The following GNG2 variants were observed in gnomAD, a reference collection of about 807,000 sequenced individuals.
The protein encoded by GNG2 is guanine nucleotide-binding protein G(I)/G(S)/G(O) subunit gamma-2.
GNG2 carries 5 observed loss-of-function variants against 5.5 expected under a neutral mutation model. The ratio of observed to expected loss-of-function variants is 0.91; its 90% CI spans 0.48 to 1.92. GNG2 has a LOEUF of 1.92. Ranked by LOEUF, GNG2 falls within the 30% of genes most tolerant of loss-of-function variation. GNG2 has a pLI of 0.01. For missense variants in GNG2, 55 were observed against 88.4 expected (o/e 0.62, Z 1.52); for synonymous variants, 28 against 32.0 (o/e 0.88, Z 0.42).
chr14:51,963,360 G>A lies in GNG2; in HGVS notation c.88-3199G>A, dbSNP rs147478053. The stretch of plus-strand genomic sequence containing the variant: ...ATAGTTGTATGTGAGTGTTGCAAAC[G>A]GGTAGGGATGAACGGTGCTGCTTCT... On this transcript the variant is annotated intron_variant, in intron 3 of 3. Transcript: ENST00000556766. 2.8e-4 allele frequency among the ~76,000 whole-genome samples: 43 copies of A among 152,240 alleles called. No homozygotes were observed. The East Asian group carries it at 7.3e-3, about 26-fold the overall frequency.
chr14:51,950,683 C>T lies in GNG2; in HGVS notation c.5C>T (p.Ala2Val), dbSNP rs1888920721. The change falls in exon 3 of 4, where the codon GCC becomes GTC. Residue 2 changes from alanine to valine, a missense_variant. Ala to Val is a moderately conservative substitution (Grantham distance 64). Transcript: ENST00000556766. M[A>V]SNNTASIAQA... ...AAAGATCTATCCAGCACTCCGATGG[C>T]CAGCAACAACACCGCCAGCATAGCA... 1 of 1,610,136 alleles carries T rather than the reference C, an allele frequency of 6.2e-7. No homozygotes were observed. The highest frequency in any genetic ancestry group is 8.5e-7 in the Non-Finnish European group (1 of 1,177,890).
intron 2 of GNG2, among the ~76,000 whole-genome samples, chr14:51,927,007 A>T (rs766931147): frequency 3.9e-5 from 6 of 152,202 alleles, no homozygotes; most frequent in Non-Finnish European, 8.8e-5. Flanking sequence ...AATTTCTATT[A>T]CTTATCCGAA....
intron 2 of GNG2, among the ~76,000 whole-genome samples, chr14:51,892,738 A>G (rs1181726079): frequency 6.6e-6 from 1 of 152,206 alleles, no homozygotes; most frequent in East Asian, 1.9e-4. Context: ...ACCAATGTTA[A>G]TGCTTTGGGG....
At chr14:51,880,980 A>AAG (rs1249223162) in intron 2 of GNG2, among the ~76,000 whole-genome samples, 3 of 151,048 alleles carry the variant, frequency 2.0e-5, no homozygotes, top group Non-Finnish European at 4.4e-5. Flanking sequence ...AAAAAAAAAA[A>AAG]AAAAAAAACC....
chr14:51,883,838 C>T (rs1195960032), intron 2 of GNG2, among the ~76,000 whole-genome samples: 1 of 151,872 alleles, frequency 6.6e-6, no homozygotes, highest in African/African-American at 2.4e-5. Context: ...AACTAGCATA[C>T]ACTATATACT....
At chr14:51,933,830 G>A (rs755473765) in intron 2 of GNG2, among the ~76,000 whole-genome samples, 8 of 152,158 alleles carry the variant, frequency 5.3e-5, no homozygotes, top group South Asian at 2.1e-4. Flanking sequence ...AAGAAGCAGC[G>A]AGCTCACCAG....
intron 2 of GNG2, among the ~76,000 whole-genome samples, chr14:51,892,000 A>G (rs1405152358): frequency 3.3e-5 from 5 of 152,240 alleles, no homozygotes; most frequent in Admixed American, 1.3e-4. Flanking sequence ...TAGGTTGACC[A>G]TTAGTGGTTA....
chr14:51,954,673 G>T (rs1212231599), intron 3 of GNG2, among the ~76,000 whole-genome samples: 1 of 152,160 alleles, frequency 6.6e-6, no homozygotes, highest in African/African-American at 2.4e-5. Flanking sequence ...AACTGCGAGT[G>T]CTCCGTCACC....
At chr14:51,908,846 G>A (rs1050187428) in intron 2 of GNG2, among the ~76,000 whole-genome samples, 15 of 148,130 alleles carry the variant, frequency 1.0e-4, no homozygotes, top group East Asian at 4.1e-4. Context: ...CCAAAGTGCT[G>A]GGATTTTAAG....
intron 2 of GNG2, among the ~76,000 whole-genome samples, chr14:51,847,747 T>A (rs910767498): frequency 6.6e-6 from 1 of 151,830 alleles, no homozygotes; most frequent in Non-Finnish European, 1.5e-5. Flanking sequence ...CTTTGGAGAG[T>A]CAAATTACCA....
intron 2 of GNG2, among the ~76,000 whole-genome samples, chr14:51,928,157 A>G (rs1269599016): frequency 3.3e-5 from 5 of 151,336 alleles, no homozygotes; most frequent in Admixed American, 3.3e-4. Context: ...CAGCCTCTCA[A>G]TAGCTGGGAT....
intron 2 of GNG2, among the ~76,000 whole-genome samples, chr14:51,895,791 T>C (rs973474267): frequency 2.6e-5 from 4 of 152,200 alleles, no homozygotes; most frequent in Admixed American, 6.5e-5. Flanking sequence ...TGGGAGATGA[T>C]TGAATTATGG....
At chr14:51,950,565 T>G in intron 2 of GNG2, 85 bp from the exon 3 acceptor site, 1 of 819,514 alleles carries the variant, frequency 1.2e-6, no homozygotes, top group Non-Finnish European at 2.0e-6. Context: ...AGCCACTGCT[T>G]TGAGATCCCC....
At chr14:51,856,211 G>A (rs73291065), upstream of GNG2, among the ~76,000 whole-genome samples, 1,490 of 152,042 alleles carry the variant, frequency 9.8e-3, 28 homozygotes, top group African/African-American at 0.035. Context: ...AGAACTAGCT[G>A]GGCATGGCGG....
chr14:51,900,400 C>T (rs1436866210), intron 2 of GNG2, among the ~76,000 whole-genome samples: 1 of 151,762 alleles, frequency 6.6e-6, no homozygotes, highest in Non-Finnish European at 1.5e-5. Context: ...CAGGAATACA[C>T]GAGACTGAAT....
intron 2 of GNG2, among the ~76,000 whole-genome samples, chr14:51,898,375 T>C (rs547703748): frequency 6.6e-6 from 1 of 152,270 alleles, no homozygotes; most frequent in South Asian, 2.1e-4. Flanking sequence ...TGATGAGCAT[T>C]GGGATGGATG....
chr14:51,924,050 A>G (rs1311008770), intron 2 of GNG2, among the ~76,000 whole-genome samples: 1 of 152,248 alleles, frequency 6.6e-6, no homozygotes, highest in African/African-American at 2.4e-5. Context: ...ATATTTATTG[A>G]TAGGCTTAAG....
intron 1 of GNG2, among the ~76,000 whole-genome samples, chr14:51,827,323 A>G (rs893661615): frequency 6.6e-6 from 1 of 152,220 alleles, no homozygotes; most frequent in African/African-American, 2.4e-5. Context: ...GGCAGTATCA[A>G]TATCACCTGG....
intron 2 of GNG2, among the ~76,000 whole-genome samples, chr14:51,920,412 T>C (rs887265701): frequency 6.6e-6 from 1 of 151,488 alleles, no homozygotes; most frequent in Non-Finnish European, 1.5e-5. Flanking sequence ...GTTATTATAC[T>C]ATATTTTTAG....
Sources: allele counts gnomAD v4.1 joint callset (sites outside exome capture counted in the v4.1 genomes callset), GRCh38; gene constraint gnomAD v4.1.1; transcripts MANE v1.5; gene names NCBI Gene and HGNC (gene_info 2026-07-23, HGNC 2026-07-21).